The following CDH13 variants were observed in gnomAD, a reference collection of about 807,000 sequenced individuals.
The protein encoded by CDH13 is cadherin 13, also known as cadherin-13.
A neutral mutation model predicts 63.8 loss-of-function variants in CDH13; 24 were observed. That is an observed-to-expected ratio of 0.38 (90% CI 0.27 to 0.53). CDH13 has a LOEUF of 0.53. Among genes scored for constraint, CDH13 ranks in the 20% least tolerant of loss-of-function variants. CDH13 has a pLI of 0.85. For synonymous variants in CDH13, 503 were observed against 355.3 expected, an observed-to-expected ratio of 1.42 and a Z score of -4.67; for missense variants, 1,049 against 903.1, an observed-to-expected ratio of 1.16 and a Z score of -2.07.
chr16:83,770,922 A>G (rs1333707723), intron 11 of CDH13, among the ~76,000 whole-genome samples: 2 of 152,194 alleles, frequency 1.3e-5, no homozygotes, highest in South Asian at 4.1e-4. Flanking sequence ...GCAGCCCAGT[A>G]GATCTCTGCC....
intron 5 of CDH13, among the ~76,000 whole-genome samples, chr16:83,313,773 A>T (rs905103523): frequency 1.3e-5 from 2 of 152,192 alleles, no homozygotes; most frequent in African/African-American, 2.4e-5. Flanking sequence ...AATGTTGTTA[A>T]ACAATAGTGT....
intron 3 of CDH13, among the ~76,000 whole-genome samples, chr16:83,118,324 A>G (rs1032936969): frequency 1.3e-5 from 2 of 152,236 alleles, no homozygotes; most frequent in Non-Finnish European, 2.9e-5. Flanking sequence ...GGGTCTAGGC[A>G]GCTGATGCAT....
intron 7 of CDH13, among the ~76,000 whole-genome samples, chr16:83,554,320 A>T (rs1051075429): frequency 6.6e-6 from 1 of 152,198 alleles, no homozygotes; most frequent in Non-Finnish European, 1.5e-5. Context: ...GGCAACAGAA[A>T]GCCAAACAGA....
At chr16:83,340,549 T>C (rs2090698715) in intron 5 of CDH13, among the ~76,000 whole-genome samples, 1 of 152,198 alleles carries the variant, frequency 6.6e-6, no homozygotes, top group South Asian at 2.1e-4. Context: ...CTCCAACCCC[T>C]GTGTCTCAGT....
At chr16:82,932,037 G>A (rs1209006617) in intron 2 of CDH13, among the ~76,000 whole-genome samples, 1 of 152,118 alleles carries the variant, frequency 6.6e-6, no homozygotes, top group East Asian at 1.9e-4. Flanking sequence ...TAGCTTGTGG[G>A]GGGAAAATCA....
chr16:83,166,469 C>G (rs1048505893), intron 4 of CDH13, among the ~76,000 whole-genome samples: 1 of 152,080 alleles, frequency 6.6e-6, no homozygotes, highest in Non-Finnish European at 1.5e-5. Flanking sequence ...TGATTCCTCC[C>G]TCCTTTCCTT....
chr16:83,175,956 G>T (rs2038104869), intron 4 of CDH13, among the ~76,000 whole-genome samples: 1 of 150,046 alleles, frequency 6.7e-6, no homozygotes, highest in African/African-American at 2.5e-5. Flanking sequence ...AGCCTCCCAA[G>T]TAGCTGGGAT....
At chr16:83,000,572 C>CTTTTT (rs1567731936) in intron 2 of CDH13, among the ~76,000 whole-genome samples, 3 of 133,962 alleles carry the variant, frequency 2.2e-5, no homozygotes, top group African/African-American at 8.4e-5. Flanking sequence ...TTTTTCTTTT[C>CTTTTT]TCTTTTTTTT....
At chr16:83,019,811 A>G (rs1915172647) in intron 2 of CDH13, among the ~76,000 whole-genome samples, 3 of 147,374 alleles carry the variant, frequency 2.0e-5, no homozygotes, top group Non-Finnish European at 4.5e-5. Context: ...ACCTTTTCTT[A>G]ATGGGTAGAA....
intron 10 of CDH13, among the ~76,000 whole-genome samples, chr16:83,743,950 T>C (rs1366687356): frequency 6.6e-6 from 1 of 151,964 alleles, no homozygotes; most frequent in East Asian, 1.9e-4. Flanking sequence ...TCCAGCATGC[T>C]GGTGCTACAT....
chr16:83,491,363 C>T (rs2074007653), intron 7 of CDH13, among the ~76,000 whole-genome samples: 1 of 152,240 alleles, frequency 6.6e-6, no homozygotes, highest in African/African-American at 2.4e-5. Flanking sequence ...CATACTTAGC[C>T]CCCCATTTCT....
Position 83,486,502 on chromosome 16 carries a change from C to G in CDH13, c.807C>G (p.Ala269=), listed in dbSNP as rs752384827. The G allele has an allele frequency of 5.6e-6, 9 of 1,613,624 alleles. No individual in the cohort carries two copies. The highest frequency in any genetic ancestry group is 3.3e-5 in the Admixed American group (2 of 60,006). The change falls in exon 7 of 14, where the codon GCC becomes GCG. Residue 269 remains alanine (A), a synonymous_variant. Coordinates refer to ENST00000567109, the MANE Select transcript of CDH13 (RefSeq NM_001257.5). The part of the protein sequence containing the change: ...PTGTTVMRMT[A]FDADDPATDN... ...GCACCACAGTGATGCGGATGACAGC[C>G]TTTGATGCAGATGACCCAGCCACCG... is the stretch of plus-strand genomic sequence containing the variant.
chr16:83,602,264 G>A (rs1279925249), intron 7 of CDH13, among the ~76,000 whole-genome samples, 190 bp from the exon 8 acceptor site: 2 of 151,780 alleles, frequency 1.3e-5, no homozygotes, highest in Admixed American at 1.3e-4. Flanking sequence ...TTTGAATAGT[G>A]ACTGTCTTAT....
intron 4 of CDH13, among the ~76,000 whole-genome samples, chr16:83,167,363 G>C (rs1349419418): frequency 8.6e-5 from 13 of 151,844 alleles, no homozygotes; most frequent in African/African-American, 3.1e-4. Context: ...TGGGCATGCT[G>C]GTGCATACCT....
chr16:83,069,875 C>G (rs997518067), intron 3 of CDH13, among the ~76,000 whole-genome samples: 1 of 152,164 alleles, frequency 6.6e-6, no homozygotes, highest in African/African-American at 2.4e-5. Flanking sequence ...ACCATTTGAA[C>G]TAAATGTTGA....
At chr16:82,726,266 T>C (rs926789505) in intron 1 of CDH13, among the ~76,000 whole-genome samples, 1 of 152,156 alleles carries the variant, frequency 6.6e-6, no homozygotes, top group African/African-American at 2.4e-5. Context: ...AGTAAATATT[T>C]TAGCCTTGGC....
At chr16:83,035,177 T>C (rs1439947080) in intron 3 of CDH13, among the ~76,000 whole-genome samples, 1 of 152,180 alleles carries the variant, frequency 6.6e-6, no homozygotes, top group African/African-American at 2.4e-5. Context: ...TCAATGGATA[T>C]GCACGTGGTA....
intron 2 of CDH13, among the ~76,000 whole-genome samples, chr16:83,024,979 C>T (rs1915666324): frequency 1.3e-5 from 2 of 152,196 alleles, no homozygotes; most frequent in African/African-American, 2.4e-5. Context: ...TAACCATTTC[C>T]ATGGCAACAG....
chr16:83,693,331 G>A (rs561034420), intron 10 of CDH13, among the ~76,000 whole-genome samples: 11 of 152,242 alleles, frequency 7.2e-5, no homozygotes, highest in South Asian at 4.1e-4. Flanking sequence ...CACAGTGCAC[G>A]GTACATAGCA....
Sources: allele counts gnomAD v4.1 joint callset (sites outside exome capture counted in the v4.1 genomes callset), GRCh38; gene constraint gnomAD v4.1.1; transcripts MANE v1.5; gene names NCBI Gene and HGNC (gene_info 2026-07-23, HGNC 2026-07-21).